Variants in SEMA3A observed in about 807,000 individuals in gnomAD.
The protein encoded by SEMA3A is semaphorin-3A.
SEMA3A carries 29 observed loss-of-function variants against 97.9 expected under a neutral mutation model. That is an observed-to-expected ratio of 0.30 (90% CI 0.22 to 0.40). The LOEUF is 0.40. SEMA3A is among the 10% of genes least tolerant of loss of function. The pLI is 1.00. For synonymous variants in SEMA3A, 321 were observed against 323.7 expected (o/e 0.99, Z 0.09); for missense variants, 763 against 951.3 (o/e 0.80, Z 2.60).
At chr7:84,430,243 C>G (rs1804944340) in intron 1 of SEMA3A, among the ~76,000 whole-genome samples, 2 of 151,428 alleles carry the variant, frequency 1.3e-5, no homozygotes, top group South Asian at 2.1e-4. Context: ...ATTTCAACAG[C>G]CTTTAGTTAT....
intron 12 of SEMA3A, among the ~76,000 whole-genome samples, chr7:83,991,465 A>G (rs1306727957): frequency 6.6e-6 from 1 of 150,558 alleles, no homozygotes; most frequent in Non-Finnish European, 1.5e-5. Flanking sequence ...TATGTCATAG[A>G]TAGCTCTTAT....
At chr7:84,413,517 A>G (rs1439467598) in intron 1 of SEMA3A, among the ~76,000 whole-genome samples, 1 of 152,084 alleles carries the variant, frequency 6.6e-6, no homozygotes, top group Admixed American at 6.6e-5. Context: ...AGTCCCAGCT[A>G]CTCAGGGGGC....
At chr7:84,108,015 C>T (rs1421951954) in intron 4 of SEMA3A, among the ~76,000 whole-genome samples, 4 of 151,976 alleles carry the variant, frequency 2.6e-5, no homozygotes, top group Admixed American at 2.6e-4. Context: ...GGCTGTGATG[C>T]AGATTTATAT....
intron 1 of SEMA3A, among the ~76,000 whole-genome samples, chr7:84,445,266 C>T (rs370414701): frequency 6.0e-5 from 9 of 151,172 alleles, no homozygotes; most frequent in African/African-American, 1.7e-4. Context: ...CTGAGGCGGG[C>T]GGATCACGAG....
chr7:84,399,897 C>T (rs537328614), intron 1 of SEMA3A, among the ~76,000 whole-genome samples: 12 of 152,152 alleles, frequency 7.9e-5, no homozygotes, highest in African/African-American at 1.2e-4. Context: ...GCTAACATCA[C>T]CCCTCCCCCA....
In SEMA3A at chr7:84,376,590, C is replaced by T. The variant is rs902257733; in HGVS notation, c.-245-4690G>A. Among the ~76,000 whole-genome samples the T allele has an allele frequency of 3.6e-5, 3 of 82,824 alleles. 1 individual carries two copies. The highest frequency in any genetic ancestry group is 6.4e-5 in the Non-Finnish European group (3 of 47,064). 54.3% of individuals were successfully genotyped at this position (82,824 alleles called of 152,430 possible). ...CTGCACTCCAGCCTGGGCGACAGAG[C>T]GAGACTCCGTCTCAAAAAAAAAAAA... On this transcript the variant is annotated intron_variant, in intron 1 of 3. Transcript: ENST00000424555.
At chr7:84,271,681 C>T (rs2115705197) in intron 3 of SEMA3A, among the ~76,000 whole-genome samples, 1 of 152,180 alleles carries the variant, frequency 6.6e-6, no homozygotes, top group African/African-American at 2.4e-5. Flanking sequence ...AAGCCACCAA[C>T]TCTCTTTTAT....
At chr7:84,228,450 T>A (rs1799042724) in intron 3 of SEMA3A, among the ~76,000 whole-genome samples, 1 of 152,102 alleles carries the variant, frequency 6.6e-6, no homozygotes, top group Admixed American at 6.6e-5. Context: ...TATTTTCTAT[T>A]TGCCCATCCA....
At chr7:84,154,655 G>A (rs545107338) in intron 1 of SEMA3A, among the ~76,000 whole-genome samples, 7 of 134,150 alleles carry the variant, frequency 5.2e-5, no homozygotes, top group South Asian at 2.3e-4. Flanking sequence ...CAGCCTGGGC[G>A]ACAGAGCAAG....
intron 1 of SEMA3A, among the ~76,000 whole-genome samples, chr7:84,138,319 G>T (rs1215288284): frequency 6.6e-6 from 1 of 151,832 alleles, no homozygotes. Context: ...TATGTTCTTT[G>T]ATTTACACTA....
At chr7:84,022,082 T>A (rs1791349823) in intron 6 of SEMA3A, among the ~76,000 whole-genome samples, 1 of 152,218 alleles carries the variant, frequency 6.6e-6, no homozygotes. Context: ...GAATTAGATT[T>A]TGTCAATAGG....
At chr7:84,112,156 G>A (rs937922228) in intron 3 of SEMA3A, among the ~76,000 whole-genome samples, 4 of 152,112 alleles carry the variant, frequency 2.6e-5, no homozygotes, top group Non-Finnish European at 4.4e-5. Context: ...GCCATTTTCA[G>A]GAAAATGTTT....
chr7:84,126,341 G>C (rs1461989709), intron 3 of SEMA3A, among the ~76,000 whole-genome samples: 1 of 152,042 alleles, frequency 6.6e-6, no homozygotes, highest in Non-Finnish European at 1.5e-5. Context: ...CAGTAACTGA[G>C]ACCACGGGCA....
chr7:84,305,698 C>T (rs1385548410), intron 3 of SEMA3A, among the ~76,000 whole-genome samples: 1 of 151,848 alleles, frequency 6.6e-6, no homozygotes, highest in African/African-American at 2.4e-5. Context: ...TTAATTAGTA[C>T]CCAGGAAATT....
rs183839347 is a variant in SEMA3A, at chr7:84,333,816, G to A, written c.-168-26524C>T. Among the ~76,000 whole-genome samples, 90 of 152,148 alleles carry A rather than the reference G, an allele frequency of 5.9e-4. 1 individual carries two copies. In the East Asian group the frequency reaches 9.3e-3, roughly 16 times the overall value. On this transcript the variant is annotated intron_variant, in intron 2 of 3. Coordinates refer to the SEMA3A transcript ENST00000424555. ...CTGTTATAATTTAAATGAATTCTAA[G>A]CCTTGGGGCATCAGGGAAGTTATTT... is the stretch of plus-strand genomic sequence containing the variant.
chr7:83,987,321 T>C (rs971089873), intron 12 of SEMA3A, among the ~76,000 whole-genome samples: 1 of 152,106 alleles, frequency 6.6e-6, no homozygotes, highest in African/African-American at 2.4e-5. Context: ...CTGAGGATAG[T>C]TGACAATGAC....
intron 3 of SEMA3A, among the ~76,000 whole-genome samples, chr7:84,227,046 G>A (rs2116347584): frequency 6.6e-6 from 1 of 152,116 alleles, no homozygotes; most frequent in South Asian, 2.1e-4. Flanking sequence ...AATGATAAAT[G>A]AGTGGTTTAA....
At chr7:84,348,079 T>G (rs1224611547) in intron 2 of SEMA3A, among the ~76,000 whole-genome samples, 1 of 152,180 alleles carries the variant, frequency 6.6e-6, no homozygotes, top group Non-Finnish European at 1.5e-5. Flanking sequence ...CATTTTCTGC[T>G]CAATTTCACT....
chr7:83,976,217 T>G (rs1035090898), intron 15 of SEMA3A, among the ~76,000 whole-genome samples: 1 of 152,122 alleles, frequency 6.6e-6, no homozygotes, highest in African/African-American at 2.4e-5. Context: ...TGTGGTAATG[T>G]TTTATTAAAA....
Sources: gnomAD v4.1 joint callset for allele counts (sites outside exome capture counted in the v4.1 genomes callset) on GRCh38, gnomAD v4.1.1 for gene constraint, MANE v1.5 for transcripts, NCBI Gene and HGNC (gene_info 2026-07-23, HGNC 2026-07-21) for gene names.